Variants in CDH13 observed in about 807,000 individuals in gnomAD.
The protein encoded by CDH13 is cadherin 13, also known as cadherin-13.
CDH13 carries 24 observed loss-of-function variants against 63.8 expected under a neutral mutation model. The ratio of observed to expected loss-of-function variants is 0.38; its 90% CI spans 0.27 to 0.53. The LOEUF (loss-of-function observed/expected upper bound fraction) is 0.53, where lower values mean the gene tolerates loss of function less well. Ranked by LOEUF, CDH13 falls within the 20% of genes least tolerant of loss-of-function variation. CDH13 has a pLI of 0.85. For synonymous variants in CDH13, 503 were observed against 355.3 expected (o/e 1.42, Z -4.67); for missense variants, 1,049 against 903.1 (o/e 1.16, Z -2.07).
At chr16:83,623,093 A>G (rs1909961232) in intron 8 of CDH13, among the ~76,000 whole-genome samples, 1 of 152,176 alleles carries the variant, frequency 6.6e-6, no homozygotes, top group Non-Finnish European at 1.5e-5. Flanking sequence ...TGCTAGGTAG[A>G]GTAAGAAGGG....
At chr16:83,784,631 CAAAA>C (rs575073144) in intron 13 of CDH13, among the ~76,000 whole-genome samples, 1 of 101,206 alleles carries the variant, frequency 9.9e-6, no homozygotes. Flanking sequence ...GGCTCTGTCT[CAAAA>C]AAAAAAAAAA....
intron 1 of CDH13, among the ~76,000 whole-genome samples, chr16:82,663,502 A>G (rs1912218446): frequency 6.6e-6 from 1 of 152,004 alleles, no homozygotes; most frequent in Admixed American, 6.5e-5. Flanking sequence ...CTCATTTTAC[A>G]CAGTCCCCTG....
At chr16:82,761,646 C>T (rs145072992) in intron 1 of CDH13, among the ~76,000 whole-genome samples, 32 of 152,324 alleles carry the variant, frequency 2.1e-4, no homozygotes, top group Non-Finnish European at 3.2e-4. Flanking sequence ...TTAAAAGTCA[C>T]ATAAAGTTCC....
chr16:83,785,285 C>G (rs1473081864), intron 13 of CDH13, among the ~76,000 whole-genome samples: 2 of 152,216 alleles, frequency 1.3e-5, no homozygotes, highest in African/African-American at 2.4e-5. Context: ...GATTCATTGT[C>G]TAGTGAAAGC....
chr16:83,733,875 G>T (rs568889262), intron 10 of CDH13, among the ~76,000 whole-genome samples: 1 of 152,186 alleles, frequency 6.6e-6, no homozygotes, highest in South Asian at 2.1e-4. Flanking sequence ...AAAGTGGAAC[G>T]TGACCTGCAA....
chr16:82,755,525 A>G (rs891848368), intron 1 of CDH13, among the ~76,000 whole-genome samples: 1 of 152,138 alleles, frequency 6.6e-6, no homozygotes, highest in East Asian at 1.9e-4. Context: ...TGTATCCCCA[A>G]TTTTCTGAAA....
rs546863571 is a variant in CDH13, at chr16:82,983,436, G to A, written c.158-48574G>A. On this transcript the variant is annotated intron_variant, in intron 2 of 13. Coordinates refer to ENST00000567109, the MANE Select transcript of CDH13 (RefSeq NM_001257.5). ...TTATATGTCATAGTCTGAGTTTGGA[G>A]GGTTGAAGGGTCAAGACCTGATGGT... is the stretch of plus-strand genomic sequence containing the variant. Among the ~76,000 whole-genome samples the A allele has an allele frequency of 4.4e-4, 67 of 152,280 alleles. No homozygotes were observed. The South Asian group carries it at 0.013, about 29-fold the overall frequency.
At chr16:83,318,115 TC>T (rs1409485656) in intron 5 of CDH13, among the ~76,000 whole-genome samples, 1 of 152,162 alleles carries the variant, frequency 6.6e-6, no homozygotes, top group Non-Finnish European at 1.5e-5. Flanking sequence ...ATTGAAAAGA[TC>T]CAGTATTTGT....
At chr16:83,378,705 C>T (rs778237866) in intron 6 of CDH13, among the ~76,000 whole-genome samples, 1 of 152,108 alleles carries the variant, frequency 6.6e-6, no homozygotes, top group Non-Finnish European at 1.5e-5. Flanking sequence ...TAGTTTCTTC[C>T]TCTTTAAATT....
chr16:83,517,612 G>C (rs1389218468), intron 7 of CDH13, among the ~76,000 whole-genome samples: 1 of 152,196 alleles, frequency 6.6e-6, no homozygotes, highest in Non-Finnish European at 1.5e-5. Flanking sequence ...TGAGAAATGT[G>C]AGGGAACACG....
chr16:82,632,801 A>T (rs1908175414), intron 1 of CDH13, among the ~76,000 whole-genome samples: 1 of 152,226 alleles, frequency 6.6e-6, no homozygotes, highest in Non-Finnish European at 1.5e-5. Context: ...AAATAATTCT[A>T]CAACTCACTA....
In CDH13 at chr16:83,670,909, C is replaced by G. The variant is rs150404888; in HGVS notation, c.1221C>G (p.Pro407=). The G allele has an allele frequency of 1.2e-6, 2 of 1,612,862 alleles. No homozygotes were observed. Among genetic ancestry groups the G allele is most frequent in the East Asian group, 2.2e-5 (1 of 44,842 alleles). Residue 407 remains proline, a synonymous_variant, in exon 9 of 14, where the codon CCC becomes CCG. Coordinates refer to ENST00000567109, the MANE Select transcript of CDH13 (RefSeq NM_001257.5). ...RAAYTIINGN[P]GQSFEIHTNP... is the part of the protein sequence containing the mutation. ...CCTACACCATCATCAACGGAAACCC[C>G]GGGCAGAGCTTTGAAATCCACACCA...
At chr16:83,603,844 G>A (rs1380700465) in intron 8 of CDH13, among the ~76,000 whole-genome samples, 2 of 152,138 alleles carry the variant, frequency 1.3e-5, no homozygotes, top group African/African-American at 4.8e-5. Flanking sequence ...CAGGGATCCT[G>A]GCTGGGGAGA....
chr16:83,192,981 T>A (rs2038768942), intron 4 of CDH13, among the ~76,000 whole-genome samples: 1 of 152,092 alleles, frequency 6.6e-6, no homozygotes, highest in South Asian at 2.1e-4. Flanking sequence ...TTGGGCTTTG[T>A]ATTTGGAGAT....
At chr16:83,652,049 C>A (rs184077297) in intron 8 of CDH13, among the ~76,000 whole-genome samples, 1 of 152,194 alleles carries the variant, frequency 6.6e-6, no homozygotes, top group African/African-American at 2.4e-5. Context: ...CCCAAGGGAA[C>A]GATTCTCATC....
At chr16:83,662,613 G>C (rs1913541545) in intron 8 of CDH13, among the ~76,000 whole-genome samples, 1 of 152,066 alleles carries the variant, frequency 6.6e-6, no homozygotes, top group Admixed American at 6.5e-5. Context: ...AGGCATGTGG[G>C]GGGTATTATC....
chr16:83,508,621 A>AGTCTCCCAGATGAC (rs1567722883), intron 7 of CDH13, among the ~76,000 whole-genome samples: 2 of 151,932 alleles, frequency 1.3e-5, no homozygotes, highest in Non-Finnish European at 2.9e-5. Context: ...ACTTCGAGAT[A>AGTCTCCCAGATGAC]TGTTCTCCCG....
At chr16:83,750,699 G>C (rs1193998410) in intron 11 of CDH13, among the ~76,000 whole-genome samples, 1 of 152,186 alleles carries the variant, frequency 6.6e-6, no homozygotes, top group Non-Finnish European at 1.5e-5. Context: ...AAGTCAAGGA[G>C]TTCCAAAGAT....
At chr16:83,671,233 AGTG>A (rs1424749942) in intron 9 of CDH13, among the ~76,000 whole-genome samples, 1 of 152,134 alleles carries the variant, frequency 6.6e-6, no homozygotes, top group African/African-American at 2.4e-5. Context: ...ACCAAACTTA[AGTG>A]CATTTTTTAT....
Sources: allele counts gnomAD v4.1 joint callset (sites outside exome capture counted in the v4.1 genomes callset), GRCh38; gene constraint gnomAD v4.1.1; transcripts MANE v1.5; gene names NCBI Gene and HGNC (gene_info 2026-07-23, HGNC 2026-07-21).